STK32B: variants seen among roughly 807,000 people sequenced by gnomAD.
The protein encoded by STK32B is serine/threonine kinase 32B.
Under a neutral mutation model 52.6 loss-of-function variants are expected in STK32B, and 43 were observed. The observed-to-expected ratio is 0.82, with a 90% CI of 0.64 to 1.05. The LOEUF (loss-of-function observed/expected upper bound fraction) is 1.05, where lower values mean the gene tolerates loss of function less well. Ranked by LOEUF, STK32B falls within the 50% of genes least tolerant of loss-of-function variation. The pLI is 0.00. For synonymous variants in STK32B, 238 were observed against 204.3 expected (o/e 1.17, Z -1.41); for missense variants, 621 against 534.6 (o/e 1.16, Z -1.59).
In STK32B at chr4:5,058,059, C is replaced by T. The variant is rs1577619428; in HGVS notation, c.52+6144C>T. On this transcript the variant is annotated intron_variant, in intron 1 of 11. Coordinates refer to ENST00000282908, the MANE Select transcript of STK32B (RefSeq NM_018401.3). This position sits in a 1 kb window ranked among gnomAD's most constrained non-coding sequence, Gnocchi z 4.8. ...ACGTTGTTAGCAATCCTGGAGTCTT[C>T]TTCTTCTCAGTCCTTGATTTTTGTG... 6.6e-6 allele frequency among the ~76,000 whole-genome samples: 1 copy of T among 152,190 alleles called. No individual in the cohort carries two copies. Among genetic ancestry groups the T allele is most frequent in the Non-Finnish European group, 1.5e-5 (1 of 68,028 alleles).
intron 11 of STK32B, among the ~76,000 whole-genome samples, chr4:5,472,340 C>T (rs1717909718): frequency 1.3e-5 from 2 of 152,216 alleles, no homozygotes; most frequent in South Asian, 2.1e-4. Context: ...CCTCTCTGGA[C>T]CTTTGTTTCG....
intron 6 of STK32B, chr4:5,427,112 A>G (rs1014081240): frequency 6.6e-6 from 1 of 152,210 alleles, no homozygotes; most frequent in Non-Finnish European, 1.5e-5. Context: ...TCGTAAATGC[A>G]TGTTGAATTT....
intron 2 of STK32B, among the ~76,000 whole-genome samples, chr4:5,146,871 T>C (rs1282708848): frequency 1.3e-5 from 2 of 152,238 alleles, no homozygotes; most frequent in Non-Finnish European, 2.9e-5. Flanking sequence ...TCCACATTTA[T>C]TCTTTTTCAA....
intron 1 of STK32B, among the ~76,000 whole-genome samples, chr4:5,132,639 C>T (rs1182312183): frequency 6.7e-6 from 1 of 149,398 alleles, no homozygotes; most frequent in African/African-American, 2.4e-5. Flanking sequence ...CCAGAAGAAA[C>T]ACAGTCCTGC....
chr4:5,251,130 C>T (rs1457991607), intron 3 of STK32B, among the ~76,000 whole-genome samples: 7 of 152,140 alleles, frequency 4.6e-5, no homozygotes, highest in Admixed American at 1.3e-4. Flanking sequence ...GAAACCTTTT[C>T]TAGGCCCAAT....
chr4:5,359,307 T>TCATC (rs1734388468), intron 4 of STK32B, among the ~76,000 whole-genome samples: 1 of 152,110 alleles, frequency 6.6e-6, no homozygotes, highest in Admixed American at 6.5e-5. Flanking sequence ...AGCTATTCAT[T>TCATC]CATCCACTCA....
chr4:5,166,981 C>G (rs1448634005), intron 2 of STK32B, among the ~76,000 whole-genome samples: 1 of 152,170 alleles, frequency 6.6e-6, no homozygotes, highest in Non-Finnish European at 1.5e-5. Context: ...TCATACAATC[C>G]TTGCTAACTG....
chr4:5,419,214 C>G (rs1019945224), intron 6 of STK32B, among the ~76,000 whole-genome samples: 3 of 152,190 alleles, frequency 2.0e-5, no homozygotes, highest in Non-Finnish European at 4.4e-5. Context: ...GCGTTCCTAA[C>G]TTAACAGACC....
At chr4:5,230,178 CTTTTTTTTTT>C (rs752036100) in intron 3 of STK32B, among the ~76,000 whole-genome samples, 86 of 71,128 alleles carry the variant, frequency 1.2e-3, no homozygotes, top group African/African-American at 3.5e-3. Flanking sequence ...CATGCATTCC[CTTTTTTTTTT>C]TTTTTTTTTT....
chr4:5,310,130 C>T (rs1730193886), intron 3 of STK32B, among the ~76,000 whole-genome samples: 2 of 152,130 alleles, frequency 1.3e-5, no homozygotes, highest in Non-Finnish European at 2.9e-5. Flanking sequence ...CACGCCACTG[C>T]ACTCCAGCCT....
In STK32B at chr4:5,398,091, T is replaced by C. The variant is rs1577443879; in HGVS notation, c.435-116T>C. 1 of 1,074,142 alleles carries C rather than the reference T, an allele frequency of 9.3e-7. No homozygotes were observed. Among genetic ancestry groups the C allele is most frequent in the Non-Finnish European group, 1.4e-6 (1 of 726,906 alleles). 66.5% of individuals were successfully genotyped at this position (1,074,142 alleles called of 1,614,324 possible). On this transcript the variant is annotated intron_variant, in intron 4 of 11. Coordinates refer to ENST00000282908, the MANE Select transcript of STK32B (RefSeq NM_018401.3). The surrounding 1 kb of genome is among the most constrained non-coding windows in gnomAD (Gnocchi z 4.9). ...CCCACTCCATGTCTGAGGCTTCAGGTCAGGGAGAGGTGAGCAGCCTGGGTG... is the reference window on the plus strand; with the variant it reads ...CCCACTCCATGTCTGAGGCTTCAGGCCAGGGAGAGGTGAGCAGCCTGGGTG...
intron 9 of STK32B, among the ~76,000 whole-genome samples, chr4:5,464,412 C>T (rs1428297667): frequency 3.3e-5 from 5 of 152,332 alleles, no homozygotes; most frequent in African/African-American, 9.6e-5. Context: ...TGCACGAGTG[C>T]CTAGGGATAC....
At chr4:5,202,409 C>T (rs1722222813) in intron 3 of STK32B, among the ~76,000 whole-genome samples, 1 of 152,244 alleles carries the variant, frequency 6.6e-6, no homozygotes, top group South Asian at 2.1e-4. Flanking sequence ...TGTTGAGTGC[C>T]TGCAGCTTTT....
In STK32B at chr4:5,460,143, A is replaced by G. The variant is rs1408968323; in HGVS notation, c.824A>G (p.His275Arg). The change falls in exon 9 of 12, where the codon CAT (histidine) becomes CGT (arginine). Residue 275 changes from histidine (H) to arginine (R), a missense_variant. Transcript: ENST00000282908. This position sits in a 1 kb window ranked among gnomAD's most constrained non-coding sequence, Gnocchi z 4.8. The part of the protein sequence containing the change: ...KDPESRVSSL[H>R]DIQSVPYLAD... ...CCTGAGAGCCGCGTGTCCAGCCTTC[A>G]TGACATACAGAGCGTGCCCTACTTG... The G allele has an allele frequency of 1.9e-6, 3 of 1,614,176 alleles. No homozygotes were observed. Among genetic ancestry groups the G allele is most frequent in the Middle Eastern group, 1.7e-4 (1 of 6,058 alleles).
At chr4:5,446,494 C>T (rs150698537) in intron 6 of STK32B, among the ~76,000 whole-genome samples, 179 bp from the exon 7 acceptor site, 18 of 150,454 alleles carry the variant, frequency 1.2e-4, no homozygotes, top group Admixed American at 1.1e-3. Context: ...TGAACTAAGG[C>T]ACAGAGGAGC....
intron 2 of STK32B, among the ~76,000 whole-genome samples, chr4:5,145,903 A>G (rs201147339): frequency 6.6e-6 from 1 of 152,200 alleles, no homozygotes. Context: ...CATTTGTATA[A>G]GAAAACCTGG....
At chr4:5,200,599 C>T (rs1223249902) in intron 3 of STK32B, among the ~76,000 whole-genome samples, 2 of 152,046 alleles carry the variant, frequency 1.3e-5, no homozygotes, top group African/African-American at 4.8e-5. Flanking sequence ...TCTCATGCCT[C>T]ATTGCACTGT....
intron 1 of STK32B, 44 bp downstream of exon 1, chr4:5,051,959 C>G (rs368168736): frequency 4.6e-4 from 710 of 1,556,072 alleles, no homozygotes; most frequent in Admixed American, 1.7e-3. Flanking sequence ...CGGGGCATCC[C>G]CTTCCTCCAC....
intron 3 of STK32B, among the ~76,000 whole-genome samples, chr4:5,173,540 TC>T (rs544142713): frequency 4.7e-4 from 71 of 152,328 alleles, no homozygotes; most frequent in Admixed American, 9.8e-4. Flanking sequence ...CATCTTTATT[TC>T]TGCCTTCATT....
Sources: gnomAD v4.1 joint callset for allele counts (sites outside exome capture counted in the v4.1 genomes callset) on GRCh38, gnomAD v4.1.1 for gene constraint, Gnocchi (gnomAD v3.1) non-coding constraint, MANE v1.5 for transcripts, NCBI Gene and HGNC (gene_info 2026-07-23, HGNC 2026-07-21) for gene names.